C10orf90: variants seen among roughly 807,000 people sequenced by gnomAD.
C10orf90 encodes (E2-independent) E3 ubiquitin-conjugating enzyme FATS.
Under a neutral mutation model 62.5 loss-of-function variants are expected in C10orf90, and 56 were observed. The observed-to-expected ratio is 0.90, with a 90% CI of 0.72 to 1.12. The LOEUF (loss-of-function observed/expected upper bound fraction) is 1.12. Ranked by LOEUF, C10orf90 falls within the 50% of genes most tolerant of loss-of-function variation. C10orf90 has a pLI of 0.00. For synonymous variants in C10orf90, 386 were observed against 340.4 expected (o/e 1.13, Z -1.47); for missense variants, 970 against 880.4 (o/e 1.10, Z -1.29).
intron 5 of C10orf90, among the ~76,000 whole-genome samples, chr10:126,463,981 A>G (rs1257262809): frequency 6.6e-6 from 1 of 152,234 alleles, no homozygotes; most frequent in Non-Finnish European, 1.5e-5. Flanking sequence ...TTACAACCCA[A>G]GCTGATATCT....
chr10:126,455,439 T>C (rs1859487619), intron 7 of C10orf90, among the ~76,000 whole-genome samples: 1 of 152,176 alleles, frequency 6.6e-6, no homozygotes, highest in Admixed American at 6.5e-5. Context: ...TTCATGGCAC[T>C]CTGAGAATCC....
rs1291250842 is a variant in C10orf90, at chr10:126,565,434, TTA to T, written c.314-51497_314-51496del. On this transcript the variant is annotated intron_variant, in intron 2 of 9. Transcript: ENST00000488181. ...ATATATATTATATATATTATATATATTATACACACACACACACACACACACAA... is the reference window on the plus strand; with the variant it reads ...ATATATATTATATATATTATATATATTACACACACACACACACACACACAA... Among the ~76,000 whole-genome samples the T allele has an allele frequency of 5.5e-4, 5 of 9,054 alleles. 1 individual carries two copies. The highest frequency in any genetic ancestry group is 3.8e-4 in the Non-Finnish European group (1 of 2,608). 5.9% of individuals were successfully genotyped at this position (9,054 alleles called of 152,430 possible). A position where few individuals can be genotyped will look rare whatever the true frequency, so the allele number is the denominator to read the frequency against.
At chr10:126,436,713 G>A (rs1232326214) in intron 7 of C10orf90, among the ~76,000 whole-genome samples, 1 of 152,126 alleles carries the variant, frequency 6.6e-6, no homozygotes, top group Non-Finnish European at 1.5e-5. Flanking sequence ...CCAGGGTGGA[G>A]TACAGTGGCA....
chr10:126,505,315 G>A (rs142582668), intron 3 of C10orf90, among the ~76,000 whole-genome samples: 33 of 152,288 alleles, frequency 2.2e-4, no homozygotes, highest in African/African-American at 7.7e-4. Context: ...GTCATGAATT[G>A]GTTTTCTCTG....
chr10:126,616,318 T>G (rs750295830), intron 2 of C10orf90, among the ~76,000 whole-genome samples: 17 of 152,210 alleles, frequency 1.1e-4, no homozygotes, highest in Non-Finnish European at 2.1e-4. Context: ...GGGTGAGTCA[T>G]GTCTAGCTGT....
chr10:126,450,925 T>C (rs989073220), intron 7 of C10orf90, among the ~76,000 whole-genome samples: 9 of 151,964 alleles, frequency 5.9e-5, no homozygotes, highest in African/African-American at 2.2e-4. Context: ...TGGGAGAAAA[T>C]ATATGCAAAC....
At chr10:126,530,869 G>A (rs1864074059) in intron 2 of C10orf90, among the ~76,000 whole-genome samples, 1 of 151,830 alleles carries the variant, frequency 6.6e-6, no homozygotes, top group Admixed American at 6.6e-5. Flanking sequence ...GAGGGAGAAA[G>A]AAAAAATGAA....
intron 7 of C10orf90, among the ~76,000 whole-genome samples, chr10:126,430,327 C>A (rs985014009): frequency 6.6e-6 from 1 of 152,174 alleles, no homozygotes; most frequent in Non-Finnish European, 1.5e-5. Flanking sequence ...CGATAAAGAC[C>A]ACCTTGCCCC....
At position 126,425,922 on chromosome 10, in the gene C10orf90, A is replaced by C. The variant is rs1301613492; in HGVS notation, c.2353-20T>G. 6.2e-7 allele frequency: 1 copy of C among 1,614,146 alleles called. No individual in the cohort carries two copies. Among genetic ancestry groups the C allele is most frequent in the Non-Finnish European group, 8.5e-7 (1 of 1,179,994 alleles). On this transcript the variant is annotated intron_variant, in intron 9 of 9. Transcript: ENST00000488181. ...TAATTGCTAGAGGAAAAGGGAAACA[A>C]AGATGTCAAGTTGAGATTCGGCATC... is the stretch of plus-strand genomic sequence containing the variant.
At chr10:126,520,081 G>A (rs1863656834) in intron 2 of C10orf90, 1 of 152,124 alleles carries the variant, frequency 6.6e-6, no homozygotes, top group Admixed American at 6.6e-5. Flanking sequence ...CCCTCCTGTT[G>A]CCCTCATCAG....
intron 4 of C10orf90, among the ~76,000 whole-genome samples, chr10:126,496,012 C>T (rs1012797489): frequency 1.3e-5 from 2 of 152,168 alleles, no homozygotes; most frequent in Non-Finnish European, 1.5e-5. Flanking sequence ...CAGATGGGCC[C>T]CATTCCCAAG....
chr10:126,481,915 G>C (rs1454336829), intron 4 of C10orf90, among the ~76,000 whole-genome samples: 1 of 152,134 alleles, frequency 6.6e-6, no homozygotes, highest in Admixed American at 6.5e-5. Flanking sequence ...TGACCATAAA[G>C]AAATTAAGAC....
At chr10:126,655,322 A>T (rs7072646) in intron 1 of C10orf90, among the ~76,000 whole-genome samples, 31,904 of 151,840 alleles carry the variant, frequency 0.21, 3,598 homozygotes, top group African/African-American at 0.29. Context: ...GTCTCAAAAA[A>T]ATATATATAT....
chr10:126,433,149 T>C (rs1429858268), intron 7 of C10orf90, among the ~76,000 whole-genome samples: 1 of 152,042 alleles, frequency 6.6e-6, no homozygotes, highest in Non-Finnish European at 1.5e-5. Context: ...CCAGGAGAGA[T>C]GAATCAAGGA....
intron 2 of C10orf90, among the ~76,000 whole-genome samples, chr10:126,543,943 A>T (rs1194146002): frequency 1.3e-5 from 2 of 152,186 alleles, no homozygotes; most frequent in African/African-American, 4.8e-5. Context: ...GTGACATGTC[A>T]GCAGAAGTAG....
At chr10:126,614,375 A>G (rs1845498360) in intron 2 of C10orf90, among the ~76,000 whole-genome samples, 1 of 152,230 alleles carries the variant, frequency 6.6e-6, no homozygotes. Flanking sequence ...AAAATGTGAT[A>G]AATACTCTAC....
chr10:126,442,635 A>G (rs28866584), intron 7 of C10orf90, among the ~76,000 whole-genome samples: 431 of 8,648 alleles, frequency 0.05, 6 homozygotes, highest in African/African-American at 0.13. Flanking sequence ...GTGTGTGTGT[A>G]TATATATATA....
chr10:126,498,195 C>G (rs968514412), intron 4 of C10orf90, among the ~76,000 whole-genome samples: 3 of 152,172 alleles, frequency 2.0e-5, no homozygotes, highest in Non-Finnish European at 4.4e-5. Context: ...TCCAGAAAAC[C>G]TGGAGGGGTT....
chr10:126,425,656 C>T lies in C10orf90; in HGVS notation c.*208G>A. 8.4e-6 allele frequency: 5 copies of T among 596,952 alleles called. No individual in the cohort carries two copies. The highest frequency in any genetic ancestry group is 1.5e-5 in the Non-Finnish European group (5 of 342,616). 37.0% of individuals were successfully genotyped at this position (596,952 alleles called of 1,614,324 possible). A position where few individuals can be genotyped will look rare whatever the true frequency, so the allele number is the denominator to read the frequency against. On this transcript the variant is annotated 3_prime_UTR_variant, in exon 10 of 10. Transcript: ENST00000488181. ...TTACATGGAGGTGGTTTCCCCACAACAGATTGTTGACCTATTTTCTCGAGG... is the reference window on the plus strand; with the variant it reads ...TTACATGGAGGTGGTTTCCCCACAATAGATTGTTGACCTATTTTCTCGAGG...
Sources: allele counts gnomAD v4.1 joint callset (sites outside exome capture counted in the v4.1 genomes callset), GRCh38; gene constraint gnomAD v4.1.1; transcripts MANE v1.5; gene names NCBI Gene and HGNC (gene_info 2026-07-23, HGNC 2026-07-21).